Variants in BTF3 observed in about 807,000 individuals in gnomAD.
BTF3 encodes the protein transcription factor BTF3.
In BTF3, 12 loss-of-function variants were observed where a neutral mutation model predicts 23.9. That is an observed-to-expected ratio of 0.50 (90% CI 0.32 to 0.81). The LOEUF is 0.81. Among genes scored for constraint, BTF3 ranks in the 40% least tolerant of loss-of-function variants. The pLI is 0.03. For missense variants in BTF3, 215 were observed against 255.9 expected, an observed-to-expected ratio of 0.84 and a Z score of 1.09; for synonymous variants, 96 against 94.8, an observed-to-expected ratio of 1.01 and a Z score of -0.07.
At chr5:73,502,866 T>C (rs765378612) in intron 3 of BTF3, 50 bp from the exon 4 acceptor site, 2 of 1,562,816 alleles carry the variant, frequency 1.3e-6, no homozygotes, top group South Asian at 2.2e-5. Flanking sequence ...ACATTTGTTT[T>C]TAAAGAGACT....
intron 2 of BTF3, chr5:73,499,611 A>G (rs962004041): frequency 3.2e-6 from 1 of 311,924 alleles, no homozygotes; most frequent in Non-Finnish European, 6.2e-6. Flanking sequence ...TCTGAACTAA[A>G]TATTCTTTAG....
Position 73,504,384 on chromosome 5 carries a change from T to G in BTF3, c.555T>G (p.Asp185Glu), listed in dbSNP as rs760319904. The change falls in exon 5 of 6, where the codon GAT becomes GAG. Residue 185 changes from aspartate to glutamate, a missense_variant. Transcript: ENST00000380591. ...AAGCACCACTTGCTACTGGAGAGGA[T>G]GATGATGATGAAGTTCCAGGTAGGA... ...DGKAPLATGE[D>E]DDDEVPDLVE... 58 of 1,585,038 alleles carry G rather than the reference T, an allele frequency of 3.7e-5. No homozygotes were observed. Among genetic ancestry groups the G allele is most frequent in the East Asian group, 2.3e-4 (10 of 43,538 alleles).
At chr5:73,502,702 C>G in intron 3 of BTF3, 101 bp downstream of exon 3, 1 of 874,090 alleles carries the variant, frequency 1.1e-6, no homozygotes, top group Non-Finnish European at 1.7e-6. Flanking sequence ...AACTTAGGGA[C>G]TTCAAAGTCC....
chr5:73,505,332 T>C lies in BTF3; in HGVS notation c.*94T>C. 1 of 1,090,386 alleles carries C rather than the reference T, an allele frequency of 9.2e-7. No homozygotes were observed. The highest frequency in any genetic ancestry group is 1.3e-6 in the Non-Finnish European group (1 of 749,020). The allele number at this position is 1,090,386 out of a possible 1,614,324, so 67.5% of individuals were successfully genotyped here. On this transcript the variant is annotated 3_prime_UTR_variant, in exon 6 of 6. Coordinates refer to ENST00000380591, the MANE Select transcript of BTF3 (RefSeq NM_001037637.2). ...TTTTTAAGAAATTTTTGTTTATGGA[T>C]CTGATAAAATCTAGATCTCTAATAT...
At chr5:73,504,583 G>T (rs703882) in intron 5 of BTF3, 180 bp downstream of exon 5, 15 of 448,900 alleles carry the variant, frequency 3.3e-5, no homozygotes, top group South Asian at 4.8e-5. Context: ...GACTTGACTT[G>T]GCTTGTTTCT....
At chr5:73,504,926 G>A in intron 5 of BTF3, 1 of 361,826 alleles carries the variant, frequency 2.8e-6, no homozygotes, top group Non-Finnish European at 4.9e-6. Context: ...GCATAGACAG[G>A]TATCCTTAGG....
chr5:73,498,772 C>A lies in BTF3; in HGVS notation c.105C>A (p.Arg35=), dbSNP rs1227809364. ...GEATLSQPPP[R]GGTRGQEPQM... ...CGACGCTGTCTCAACCTCCACCTCG[C>A]GGCGGAACCCGAGGACAGGAGCCTC... The change falls in exon 1 of 6, where the codon CGC becomes CGA. Residue 35 remains arginine (R), a synonymous_variant. Coordinates refer to ENST00000380591, the MANE Select transcript of BTF3 (RefSeq NM_001037637.2). The A allele has an allele frequency of 6.6e-7, 1 of 1,504,406 alleles. No homozygotes were observed. Among genetic ancestry groups the A allele is most frequent in the Non-Finnish European group, 8.8e-7 (1 of 1,136,236 alleles). The allele number at this position is 1,504,406 out of a possible 1,614,324, so 93.2% of individuals were successfully genotyped here.
At chr5:73,504,909 C>T in intron 5 of BTF3, 1 of 312,610 alleles carries the variant, frequency 3.2e-6, no homozygotes. Context: ...ATAAATATTC[C>T]CACTTTGCAT....
At chr5:73,500,739 A>G (rs1411144581) in intron 2 of BTF3, among the ~76,000 whole-genome samples, 3 of 152,190 alleles carry the variant, frequency 2.0e-5, no homozygotes, top group Admixed American at 2.0e-4. Flanking sequence ...AATAATAATT[A>G]TTTAAGTGAA....
chr5:73,498,558 G>A lies in BTF3; in HGVS notation c.-110G>A, dbSNP rs1170816592. Reference sequence around the variant, plus strand: ...CGCGGCCCCTTATTCGCTCCGACAAGGTACAAAAAGGCTCTGGACGGCGGC... The same window carrying A: ...CGCGGCCCCTTATTCGCTCCGACAAAGTACAAAAAGGCTCTGGACGGCGGC... On this transcript the variant is annotated 5_prime_UTR_variant, in exon 1 of 6. Coordinates refer to ENST00000380591, the MANE Select transcript of BTF3 (RefSeq NM_001037637.2). 1 of 1,382,374 alleles carries A rather than the reference G, an allele frequency of 7.2e-7. No individual in the cohort carries two copies. Among genetic ancestry groups the A allele is most frequent in the Non-Finnish European group, 9.3e-7 (1 of 1,074,010 alleles). The allele number at this position is 1,382,374 out of a possible 1,614,324, so 85.6% of individuals were successfully genotyped here. A position where few individuals can be genotyped will look rare whatever the true frequency, so the allele number is the denominator to read the frequency against.
chr5:73,503,502 T>C (rs1471837144), intron 4 of BTF3, among the ~76,000 whole-genome samples: 1 of 152,246 alleles, frequency 6.6e-6, no homozygotes, highest in East Asian at 1.9e-4. Context: ...AGTAATCTTT[T>C]AAAAATGGCT....
chr5:73,503,143 C>T, intron 4 of BTF3, 26 bp downstream of exon 4: 6 of 1,603,350 alleles, frequency 3.7e-6, no homozygotes, highest in Non-Finnish European at 5.1e-6. Context: ...ATGGTTTTAC[C>T]AGGGAATTAC....
Position 73,499,185 on chromosome 5 carries a change from G to A in BTF3, c.184G>A (p.Val62Met). The A allele has an allele frequency of 1.2e-6, 2 of 1,613,692 alleles. No homozygotes were observed. Among genetic ancestry groups the A allele is most frequent in the Non-Finnish European group, 1.7e-6 (2 of 1,179,968 alleles). The part of the protein sequence containing the change: ...QEKLAKLQAQ[V>M]RIGGKGTARR... ...AAAACTCGCCAAACTGCAGGCACAAGTGCGCATTGGTGGGAAAGTAAGTTT... is the reference window on the plus strand; with the variant it reads ...AAAACTCGCCAAACTGCAGGCACAAATGCGCATTGGTGGGAAAGTAAGTTT... The change falls in exon 2 of 6, where the codon GTG (valine) becomes ATG (methionine). Residue 62 changes from valine (V) to methionine (M), a missense_variant. By Grantham distance (21) the Val-to-Met change is conservative. This residue lies in a region of BTF3 where 116 missense variants were observed against 84.7 expected (regional missense o/e 1.37). Coordinates refer to ENST00000380591, the MANE Select transcript of BTF3 (RefSeq NM_001037637.2).
At chr5:73,505,073 A>G (rs1350901468) in intron 5 of BTF3, 119 bp from the exon 6 acceptor site, 16 of 740,218 alleles carry the variant, frequency 2.2e-5, no homozygotes, top group South Asian at 1.1e-4. Flanking sequence ...TCTTGGGGCT[A>G]TGACACAGTA....
chr5:73,505,414 A>G lies in BTF3; in HGVS notation c.*176A>G. On this transcript the variant is annotated 3_prime_UTR_variant, in exon 6 of 6. Transcript: ENST00000380591. ...TCTTTTCAGTTTTTGCTTATACACA[A>G]TTCATTCTTTGCAGCTAATTAAGCC... 7.8e-6 allele frequency: 4 copies of G among 515,688 alleles called. No individual in the cohort carries two copies. Among genetic ancestry groups the G allele is most frequent in the Non-Finnish European group, 1.3e-5 (4 of 297,894 alleles). The allele number at this position is 515,688 out of a possible 1,614,324, so 31.9% of individuals were successfully genotyped here.
At chr5:73,499,007 G>A in intron 1 of BTF3, 127 bp from the exon 2 acceptor site, 4 of 1,262,708 alleles carry the variant, frequency 3.2e-6, no homozygotes, top group Non-Finnish European at 4.3e-6. Context: ...TTTGCGGGGT[G>A]GATTTGGGAT....
intron 5 of BTF3, chr5:73,504,681 C>T (rs1012587235): frequency 8.4e-6 from 2 of 236,938 alleles, no homozygotes; most frequent in African/African-American, 4.6e-5. Flanking sequence ...ATAACTATTA[C>T]CTGCAGAGCA....
chr5:73,498,895 G>T (rs188464958), intron 1 of BTF3, 96 bp downstream of exon 1: 4 of 1,463,550 alleles, frequency 2.7e-6, no homozygotes, highest in Non-Finnish European at 2.7e-6. Context: ...GGCCAGGCGT[G>T]GGGTAGAGCC....
intron 4 of BTF3, 30 bp downstream of exon 4, chr5:73,503,147 G>A (rs1475106212): frequency 1.9e-6 from 3 of 1,600,416 alleles, no homozygotes; most frequent in Non-Finnish European, 1.7e-6. Flanking sequence ...TTTTACCAGG[G>A]AATTACTCAT....
Sources: gnomAD v4.1 joint callset for allele counts (sites outside exome capture counted in the v4.1 genomes callset) on GRCh38, gnomAD v4.1.1 for gene constraint, gnomAD v4.1.1 regional missense constraint, MANE v1.5 for transcripts, NCBI Gene and HGNC (gene_info 2026-07-23, HGNC 2026-07-21) for gene names.